GRIK1: variants seen among roughly 807,000 people sequenced by gnomAD.
The protein encoded by GRIK1 is glutamate receptor ionotropic, kainate 1.
Under a neutral mutation model 105.7 loss-of-function variants are expected in GRIK1, and 69 were observed. The ratio of observed to expected loss-of-function variants is 0.65; its 90% CI spans 0.54 to 0.80. GRIK1 has a LOEUF of 0.80. GRIK1 is among the 30% of genes least tolerant of loss of function. The probability of loss-of-function intolerance (pLI) is 0.00; values close to 1 mark genes in which losing one functional copy is unlikely to be tolerated. For missense variants in GRIK1, 1,109 were observed against 1,167.3 expected (o/e 0.95, Z 0.73); for synonymous variants, 438 against 431.3 (o/e 1.02, Z -0.19).
intron 1 of GRIK1, among the ~76,000 whole-genome samples, chr21:29,769,041 T>C (rs2065745902): frequency 6.6e-6 from 1 of 152,182 alleles, no homozygotes; most frequent in Non-Finnish European, 1.5e-5. Context: ...TTTTTCTTAA[T>C]GATTATTATA....
intron 1 of GRIK1, among the ~76,000 whole-genome samples, chr21:29,801,179 A>G (rs1423328487): frequency 1.3e-5 from 2 of 151,642 alleles, no homozygotes; most frequent in African/African-American, 2.4e-5. Context: ...TAAGTTGACC[A>G]TTTCTTCTAC....
chr21:29,633,824 G>A (rs1308220189), intron 7 of GRIK1, among the ~76,000 whole-genome samples: 1 of 152,130 alleles, frequency 6.6e-6, no homozygotes, highest in Non-Finnish European at 1.5e-5. Flanking sequence ...AGAATGAGGG[G>A]TCAGAATGCA....
At chr21:29,791,653 G>T (rs1257916279) in intron 1 of GRIK1, among the ~76,000 whole-genome samples, 1 of 152,146 alleles carries the variant, frequency 6.6e-6, no homozygotes, top group Admixed American at 6.5e-5. Context: ...TATTCTTAAG[G>T]TGGGCAGGCA....
At chr21:29,795,905 A>G (rs991713194) in intron 1 of GRIK1, among the ~76,000 whole-genome samples, 22 of 152,142 alleles carry the variant, frequency 1.4e-4, no homozygotes, top group African/African-American at 4.6e-4. Context: ...ATATTTGGAC[A>G]ATGAGCTTCT....
Position 29,651,150 on chromosome 21 carries a change from GC to G in GRIK1, c.921del (p.Arg307SerfsTer10). 6.2e-7 allele frequency: 1 copy of G among 1,612,586 alleles called. No homozygotes were observed. The highest frequency in any genetic ancestry group is 8.5e-7 in the Non-Finnish European group (1 of 1,179,516). On this transcript the variant is annotated frameshift_variant, in exon 6 of 18. Coordinates refer to ENST00000327783, the MANE Select transcript of GRIK1 (RefSeq NM_001330994.2). LOFTEE classifies it high-confidence loss of function. ...ATGCCATCCAAAAGGCCAGTCTCGG[GC>G]CTGGGTGGGGCCTGCAGTCTCTCCA... ...WSMERLQAPP[R>X]PETGLLDGMM...
chr21:29,593,894 T>C (rs1458899347), intron 9 of GRIK1, among the ~76,000 whole-genome samples: 1 of 152,238 alleles, frequency 6.6e-6, no homozygotes, highest in Non-Finnish European at 1.5e-5. Flanking sequence ...TTTCCTTTGC[T>C]ATCTGCACTA....
At chr21:29,800,609 C>A (rs1306323574) in intron 1 of GRIK1, among the ~76,000 whole-genome samples, 2 of 152,120 alleles carry the variant, frequency 1.3e-5, no homozygotes, top group African/African-American at 4.8e-5. Flanking sequence ...GCTCAATAAA[C>A]CAAAAACTCT....
At chr21:29,756,209 G>A (rs1031680505) in intron 1 of GRIK1, among the ~76,000 whole-genome samples, 1 of 152,082 alleles carries the variant, frequency 6.6e-6, no homozygotes, top group Non-Finnish European at 1.5e-5. Context: ...GTGAAACCCC[G>A]TCTCTACTAA....
chr21:29,796,885 G>A (rs1329466131), intron 1 of GRIK1, among the ~76,000 whole-genome samples: 1 of 151,956 alleles, frequency 6.6e-6, no homozygotes, highest in African/African-American at 2.4e-5. Context: ...GGAGGAAGAG[G>A]TTTCAGTGAG....
chr21:29,659,787 C>A (rs1300692919), intron 4 of GRIK1, among the ~76,000 whole-genome samples: 1 of 152,016 alleles, frequency 6.6e-6, no homozygotes, highest in Non-Finnish European at 1.5e-5. Flanking sequence ...AAGGAGAAAC[C>A]CCGTCTCTAC....
intron 1 of GRIK1, among the ~76,000 whole-genome samples, chr21:29,807,188 T>G (rs1180777229): frequency 6.6e-6 from 1 of 152,180 alleles, no homozygotes; most frequent in African/African-American, 2.4e-5. Flanking sequence ...AAAGCTATTG[T>G]TCATGACCTG....
intron 1 of GRIK1, among the ~76,000 whole-genome samples, chr21:29,804,412 T>C (rs934341327): frequency 4.6e-5 from 7 of 152,068 alleles, no homozygotes; most frequent in African/African-American, 1.7e-4. Context: ...TTTCTTTAAT[T>C]TGACAATAGA....
intron 1 of GRIK1, chr21:29,761,457 A>C (rs2065516517): frequency 6.6e-6 from 1 of 152,208 alleles, no homozygotes; most frequent in Non-Finnish European, 1.5e-5. Flanking sequence ...TTAAGTAGAA[A>C]TCTAATTAAT....
At chr21:29,934,118 C>CT (rs1398201288) in intron 1 of GRIK1, among the ~76,000 whole-genome samples, 3 of 152,218 alleles carry the variant, frequency 2.0e-5, no homozygotes, top group African/African-American at 7.2e-5. Context: ...ATTGTACACT[C>CT]TAACAACAAA....
intron 4 of GRIK1, among the ~76,000 whole-genome samples, chr21:29,670,833 C>T (rs1440818893): frequency 6.6e-6 from 1 of 152,220 alleles, no homozygotes; most frequent in African/African-American, 2.4e-5. Context: ...TTACTGATTG[C>T]ATTTACTTAC....
chr21:29,669,203 A>G (rs2063118907), intron 4 of GRIK1, among the ~76,000 whole-genome samples: 1 of 152,226 alleles, frequency 6.6e-6, no homozygotes, highest in Admixed American at 6.5e-5. Context: ...CCCAAGAATA[A>G]CTATAGACTT....
intron 1 of GRIK1, among the ~76,000 whole-genome samples, chr21:29,716,533 CTT>C (rs1020415641): frequency 4.6e-5 from 7 of 152,158 alleles, no homozygotes; most frequent in Non-Finnish European, 8.8e-5. Context: ...TCCAGGCTGA[CTT>C]GGTCACAAGT....
intron 1 of GRIK1, among the ~76,000 whole-genome samples, chr21:29,770,898 C>G (rs1273194132): frequency 6.6e-6 from 1 of 152,104 alleles, no homozygotes; most frequent in Non-Finnish European, 1.5e-5. Flanking sequence ...CAGTATGAAA[C>G]AGAAAACAGT....
intron 1 of GRIK1, among the ~76,000 whole-genome samples, chr21:29,914,514 C>T (rs1211642863): frequency 6.6e-6 from 1 of 152,100 alleles, no homozygotes; most frequent in East Asian, 1.9e-4. Flanking sequence ...ACTTCAAGCC[C>T]TGACTTGACT....
Sources: gnomAD v4.1 joint callset for allele counts (sites outside exome capture counted in the v4.1 genomes callset) on GRCh38, gnomAD v4.1.1 for gene constraint, MANE v1.5 for transcripts, NCBI Gene and HGNC (gene_info 2026-07-23, HGNC 2026-07-21) for gene names.